Variants in TMPRSS15 observed in about 807,000 individuals in gnomAD.
TMPRSS15 encodes the protein enteropeptidase.
Under a neutral mutation model 125.3 loss-of-function variants are expected in TMPRSS15, and 128 were observed. The observed-to-expected ratio is 1.02, with a 90% CI of 0.89 to 1.18. The LOEUF (loss-of-function observed/expected upper bound fraction) is 1.18. Among genes scored for constraint, TMPRSS15 ranks in the 50% most tolerant of loss-of-function variants. The probability of loss-of-function intolerance (pLI) is 0.00; values close to 1 mark genes in which losing one functional copy is unlikely to be tolerated. For missense variants in TMPRSS15, 1,283 were observed against 1,212.7 expected (o/e 1.06, Z -0.86); for synonymous variants, 446 against 423.2 (o/e 1.05, Z -0.66).
intron 1 of TMPRSS15, among the ~76,000 whole-genome samples, chr21:18,443,871 G>C (rs1335940028): frequency 6.6e-6 from 1 of 152,198 alleles, no homozygotes; most frequent in Non-Finnish European, 1.5e-5. Context: ...CTCAGCCAGA[G>C]GGTGCAGCTT....
At chr21:18,472,860 G>A (rs1223924298) in intron 1 of TMPRSS15, among the ~76,000 whole-genome samples, 1 of 152,058 alleles carries the variant, frequency 6.6e-6, no homozygotes, top group Non-Finnish European at 1.5e-5. Flanking sequence ...TGTTGAAAAT[G>A]TGAACAGTAG....
At chr21:18,459,313 G>T (rs745823595) in intron 1 of TMPRSS15, among the ~76,000 whole-genome samples, 1 of 148,804 alleles carries the variant, frequency 6.7e-6, no homozygotes, top group Non-Finnish European at 1.5e-5. Flanking sequence ...TTGCTCTGTC[G>T]CCCAGTCTGG....
rs1304840673 is a variant in TMPRSS15, at chr21:18,438,132, A to AAT, written c.11-39805_11-39804dup. Among the ~76,000 whole-genome samples the AAT allele has an allele frequency of 2.3e-4, 35 of 150,956 alleles. No individual in the cohort carries two copies. The East Asian group carries it at 6.6e-3, about 29-fold the overall frequency. ...AAAATGTGGCACATATACACCATGG[A>AAT]ATACTATGCAGCCATAAAAAATGAT... On this transcript the variant is annotated intron_variant, in intron 1 of 7. Coordinates refer to the TMPRSS15 transcript ENST00000422787.
chr21:18,294,723 T>G, intron 19 of TMPRSS15, 71 bp from the exon 20 acceptor site: 1 of 1,355,190 alleles, frequency 7.4e-7, no homozygotes. Context: ...TCATATAGGT[T>G]ATCCTACTTT....
chr21:18,347,777 C>A (rs1465860394), intron 10 of TMPRSS15, among the ~76,000 whole-genome samples: 2 of 152,098 alleles, frequency 1.3e-5, no homozygotes, highest in African/African-American at 2.4e-5. Flanking sequence ...TCTTCTAAAA[C>A]CCTTTGACTT....
intron 8 of TMPRSS15, among the ~76,000 whole-genome samples, chr21:18,355,484 A>G (rs2075616155): frequency 6.6e-6 from 1 of 151,844 alleles, no homozygotes; most frequent in Non-Finnish European, 1.5e-5. Context: ...ATTTTACAAA[A>G]CTTTCATAAG....
chr21:18,397,950 GAA>G lies in TMPRSS15; in HGVS notation c.277-6_277-5del. On this transcript the variant is annotated splice_polypyrimidine_tract_variant and splice_region_variant and intron_variant, in intron 2 of 24. Coordinates refer to ENST00000284885, the MANE Select transcript of TMPRSS15 (RefSeq NM_002772.3). Reference sequence around the variant, plus strand: ...TTGATAGAAAGATCTCATCTATCTAGAAAAATATAAAAGATTGAATGAGTATA... The same window carrying G: ...TTGATAGAAAGATCTCATCTATCTAGAAATATAAAAGATTGAATGAGTATA... 1 of 1,475,526 alleles carries G rather than the reference GAA, an allele frequency of 6.8e-7. No homozygotes were observed. The highest frequency in any genetic ancestry group is 9.3e-7 in the Non-Finnish European group (1 of 1,071,138). The allele number at this position is 1,475,526 out of a possible 1,614,324, so 91.4% of individuals were successfully genotyped here. A position where few individuals can be genotyped will look rare whatever the true frequency, so the allele number is the denominator to read the frequency against.
At chr21:18,308,533 C>A (rs2075061225) in intron 18 of TMPRSS15, among the ~76,000 whole-genome samples, 2 of 151,274 alleles carry the variant, frequency 1.3e-5, no homozygotes, top group Admixed American at 1.3e-4. Flanking sequence ...TGTGGTTTGA[C>A]CCCATTTTAT....
chr21:18,466,746 A>C (rs559720366), intron 1 of TMPRSS15, among the ~76,000 whole-genome samples: 4 of 152,312 alleles, frequency 2.6e-5, no homozygotes, highest in African/African-American at 9.6e-5. Context: ...GTGATCATTA[A>C]AGTCAGGAAA....
chr21:18,405,805 A>T (rs543168958), upstream of TMPRSS15, among the ~76,000 whole-genome samples: 1 of 152,324 alleles, frequency 6.6e-6, no homozygotes, highest in African/African-American at 2.4e-5. Context: ...AATATAGAAG[A>T]ATGTCTTTCT....
chr21:18,402,828 T>C (rs1017764292), intron 1 of TMPRSS15, among the ~76,000 whole-genome samples: 2 of 152,280 alleles, frequency 1.3e-5, no homozygotes, highest in South Asian at 4.1e-4. Flanking sequence ...AGCATACCAA[T>C]AAGCTTTCAT....
Position 18,337,392 on chromosome 21 carries a change from G to A in TMPRSS15, c.1564+4021C>T, listed in dbSNP as rs191134362. Among the ~76,000 whole-genome samples, 346 of 152,222 alleles carry A rather than the reference G, an allele frequency of 2.3e-3. 2 individuals are homozygous for A. Among genetic ancestry groups the A allele is most frequent in the Non-Finnish European group, 1.2e-3 (85 of 68,012 alleles). ...GGGCCTGAAATGTGGATTTTGTTTT[G>A]TATACACCTATTTCTATTCAGTAGG... On this transcript the variant is annotated intron_variant, in intron 13 of 24. Coordinates refer to ENST00000284885, the MANE Select transcript of TMPRSS15 (RefSeq NM_002772.3).
intron 16 of TMPRSS15, among the ~76,000 whole-genome samples, chr21:18,319,643 G>A (rs1038048734): frequency 1.3e-5 from 2 of 151,996 alleles, no homozygotes; most frequent in Non-Finnish European, 2.9e-5. Flanking sequence ...TGGTCAGGCT[G>A]GTCTCAAACT....
Position 18,279,012 on chromosome 21 carries a change from G to C in TMPRSS15, c.2716C>G (p.Pro906Ala), listed in dbSNP as rs147119206. 7,387 of 1,600,106 alleles carry C rather than the reference G, an allele frequency of 4.6e-3. 29 individuals carry two copies. The highest frequency in any genetic ancestry group is 5.2e-3 in the Admixed American group (305 of 59,196). The change falls in exon 23 of 25, where the codon CCA becomes GCA. Residue 906 changes from proline (P) to alanine (A), a missense_variant. Pro to Ala is a conservative substitution (Grantham distance 27, BLOSUM62 -1). Transcript: ENST00000284885. ...CCAGCAATAGAACAATTTCTTCCTG[G>C]AGGAAAAACTTGATTTTCTTCCGGT... ...CLPEENQVFP[P>A]GRNCSIAGWG...
intron 18 of TMPRSS15, among the ~76,000 whole-genome samples, chr21:18,309,113 T>C (rs2075067629): frequency 6.6e-6 from 1 of 152,134 alleles, no homozygotes; most frequent in African/African-American, 2.4e-5. Context: ...TACCCAGTAA[T>C]GGGATTGCTG....
At chr21:18,309,877 A>C (rs1194067129) in intron 18 of TMPRSS15, among the ~76,000 whole-genome samples, 1 of 152,184 alleles carries the variant, frequency 6.6e-6, no homozygotes, top group Non-Finnish European at 1.5e-5. Context: ...ATAATGAATA[A>C]TGAAATTCAT....
intron 21 of TMPRSS15, among the ~76,000 whole-genome samples, chr21:18,291,364 T>C (rs752148994): frequency 1.3e-5 from 2 of 152,186 alleles, no homozygotes; most frequent in Non-Finnish European, 2.9e-5. Context: ...AATACCACGA[T>C]AGAGAAACCG....
At chr21:18,295,678 A>T (rs2074897421) in intron 19 of TMPRSS15, among the ~76,000 whole-genome samples, 1 of 152,240 alleles carries the variant, frequency 6.6e-6, no homozygotes, top group Non-Finnish European at 1.5e-5. Flanking sequence ...ACACAGAATG[A>T]TTTTAGTTGA....
chr21:18,406,003 T>C (rs977340335), upstream of TMPRSS15, among the ~76,000 whole-genome samples: 1 of 152,164 alleles, frequency 6.6e-6, no homozygotes, highest in Non-Finnish European at 1.5e-5. Flanking sequence ...TCAAACTGCA[T>C]ATGTTTTCAT....
Sources: gnomAD v4.1 joint callset for allele counts (sites outside exome capture counted in the v4.1 genomes callset) on GRCh38, gnomAD v4.1.1 for gene constraint, MANE v1.5 for transcripts, NCBI Gene and HGNC (gene_info 2026-07-23, HGNC 2026-07-21) for gene names.